The following DNAH11 variants were observed in gnomAD, a reference collection of about 807,000 sequenced individuals.
DNAH11 encodes the protein axonemal beta dynein heavy chain 11.
Under a neutral mutation model 526.0 loss-of-function variants are expected in DNAH11, and 442 were observed. The observed-to-expected ratio is 0.84, with a 90% CI of 0.78 to 0.91. The LOEUF is 0.91. DNAH11 is among the 40% of genes least tolerant of loss of function. The pLI is 0.00. For missense variants in DNAH11, 6,989 were observed against 5,448.7 expected (o/e 1.28, Z -8.90); for synonymous variants, 2,461 against 1,935.9 (o/e 1.27, Z -7.12).
chr7:21,597,344 C>T (rs1040351091), intron 14 of DNAH11, among the ~76,000 whole-genome samples: 1 of 152,140 alleles, frequency 6.6e-6, no homozygotes, highest in Admixed American at 6.5e-5. Flanking sequence ...CCTAGCTCAG[C>T]TATTAACTTC....
chr7:21,852,340 C>A, intron 66 of DNAH11, 127 bp from the exon 67 acceptor site: 1 of 900,024 alleles, frequency 1.1e-6, no homozygotes, highest in Non-Finnish European at 1.6e-6. Flanking sequence ...CCAGGAGGCA[C>A]ACGTCGCAGT....
At chr7:21,597,543 G>C (rs1419646493) in intron 14 of DNAH11, among the ~76,000 whole-genome samples, 2 of 152,170 alleles carry the variant, frequency 1.3e-5, no homozygotes, top group Non-Finnish European at 2.9e-5. Flanking sequence ...AGAAGGCAAA[G>C]GGGAAGCAAG....
chr7:21,625,087 T>A (rs1414122820), intron 25 of DNAH11, among the ~76,000 whole-genome samples: 3 of 152,156 alleles, frequency 2.0e-5, no homozygotes, highest in Non-Finnish European at 4.4e-5. Context: ...TAAGTTTTTT[T>A]GGAAGAGTTT....
Position 21,843,466 on chromosome 7 carries a change from T to A in DNAH11, c.10896+718T>A, listed in dbSNP as rs191786636. On this transcript the variant is annotated intron_variant, in intron 66 of 81. Transcript: ENST00000409508. Reference sequence around the variant, plus strand: ...GATTAAAAACTATAAAGGAATGCTATGCTCAGGTTTTTTTTGTTTTTTTTT... The same window carrying A: ...GATTAAAAACTATAAAGGAATGCTAAGCTCAGGTTTTTTTTGTTTTTTTTT... Among the ~76,000 whole-genome samples, 144 of 149,476 alleles carry A rather than the reference T, an allele frequency of 9.6e-4. 2 individuals carry two copies. The highest frequency in any genetic ancestry group is 3.5e-3 in the African/African-American group (140 of 39,758).
chr7:21,789,797 C>CTT (rs202096990), intron 61 of DNAH11, among the ~76,000 whole-genome samples: 3 of 68,286 alleles, frequency 4.4e-5, no homozygotes, highest in South Asian at 5.2e-4. Context: ...TTCTTTCTTT[C>CTT]TTTCTTTCTT....
At chr7:21,822,397 A>G (rs1396535995) in intron 65 of DNAH11, among the ~76,000 whole-genome samples, 2 of 152,166 alleles carry the variant, frequency 1.3e-5, no homozygotes, top group Non-Finnish European at 2.9e-5. Context: ...GAGGGAGGAC[A>G]CCAAGCCATT....
chr7:21,727,179 C>A (rs1417461825), intron 45 of DNAH11, among the ~76,000 whole-genome samples: 1 of 151,820 alleles, frequency 6.6e-6, no homozygotes, highest in East Asian at 2.0e-4. Context: ...GTGATCCGCC[C>A]ACCTCGGCCT....
intron 79 of DNAH11, 100 bp from the exon 80 acceptor site, chr7:21,899,233 TCTC>T (rs1482437223): frequency 9.0e-5 from 78 of 866,212 alleles, no homozygotes; most frequent in East Asian, 7.3e-5. Context: ...GTGGTATACT[TCTC>T]CTCCACCACC....
intron 44 of DNAH11, among the ~76,000 whole-genome samples, chr7:21,723,249 A>G (rs1469015351): frequency 1.3e-5 from 2 of 152,198 alleles, no homozygotes; most frequent in Admixed American, 6.5e-5. Context: ...CTCTTCAAAA[A>G]CTATAAAACT....
chr7:21,600,902 C>A lies in DNAH11; in HGVS notation c.3227C>A (p.Pro1076Gln). 3 of 1,613,890 alleles carry A rather than the reference C, an allele frequency of 1.9e-6. No individual in the cohort carries two copies. The highest frequency in any genetic ancestry group is 1.1e-5 in the South Asian group (1 of 91,064). The stretch of plus-strand genomic sequence containing the variant: ...GCAAATGAAGAAATTCCCGAACAAC[C>A]ACCAACTCTTGAGCAATTCAAAGAA... The part of the protein sequence containing the change: ...AHANEEIPEQ[P>Q]PTLEQFKEQI... The change falls in exon 16 of 82, where the codon CCA (proline) becomes CAA (glutamine). Residue 1076 changes from proline to glutamine, a missense_variant. Transcript: ENST00000409508.
Position 21,720,756 on chromosome 7 carries a change from C to T in DNAH11, c.7166C>T (p.Thr2389Ile). Residue 2389 changes from threonine to isoleucine, a missense_variant, in exon 44 of 82, where the codon ACT becomes ATT. By Grantham distance (89) the Thr-to-Ile change is moderately conservative. Transcript: ENST00000409508. ...TLCVLLECLL[T>I]PENVPSDSPK... ...TGTGTTCTTTTGGAGTGCTTGCTGA[C>T]TCCTGAAAATGTACCTTCTGACAGC... 1 of 1,590,998 alleles carries T rather than the reference C, an allele frequency of 6.3e-7. No individual in the cohort carries two copies.
At chr7:21,631,799 A>G (rs1300661439) in intron 25 of DNAH11, among the ~76,000 whole-genome samples, 3 of 152,032 alleles carry the variant, frequency 2.0e-5, no homozygotes, top group Admixed American at 2.0e-4. Flanking sequence ...GGTGCACAGT[A>G]CAAGCTGTCG....
intron 32 of DNAH11, among the ~76,000 whole-genome samples, chr7:21,686,691 G>GC (rs1783389467): frequency 6.6e-6 from 1 of 152,054 alleles, no homozygotes; most frequent in African/African-American, 2.4e-5. Context: ...GTTTAATACA[G>GC]CCAATGTTTA....
intron 74 of DNAH11, among the ~76,000 whole-genome samples, chr7:21,879,936 T>C (rs1484547205): frequency 6.6e-6 from 1 of 151,810 alleles, no homozygotes; most frequent in Non-Finnish European, 1.5e-5. Flanking sequence ...AATACAAAAA[T>C]TAGCTGGGTG....
intron 68 of DNAH11, among the ~76,000 whole-genome samples, chr7:21,856,136 G>A (rs1782838824): frequency 6.6e-6 from 1 of 152,136 alleles, no homozygotes; most frequent in African/African-American, 2.4e-5. Flanking sequence ...CTAGAGAGGT[G>A]GGAAAGACTG....
At chr7:21,843,581 A>G (rs1216912027) in intron 66 of DNAH11, among the ~76,000 whole-genome samples, 2 of 151,714 alleles carry the variant, frequency 1.3e-5, no homozygotes, top group East Asian at 1.9e-4. Flanking sequence ...CCTGGGTTCA[A>G]GCGATTCTTC....
chr7:21,561,259 C>T (rs768415518), intron 5 of DNAH11, 89 bp downstream of exon 5: 31 of 950,118 alleles, frequency 3.3e-5, no homozygotes, highest in Admixed American at 1.5e-4. Flanking sequence ...TTTACCCTTC[C>T]GCCATGTTTG....
intron 54 of DNAH11, among the ~76,000 whole-genome samples, chr7:21,761,170 A>G (rs1454476266): frequency 6.6e-6 from 1 of 152,200 alleles, no homozygotes; most frequent in Admixed American, 6.5e-5. Context: ...AAAATCTCAC[A>G]TGACACCACT....
intron 28 of DNAH11, among the ~76,000 whole-genome samples, chr7:21,642,800 C>T (rs1787186163): frequency 6.6e-6 from 1 of 151,984 alleles, no homozygotes; most frequent in Non-Finnish European, 1.5e-5. Context: ...ATAGACCAGC[C>T]AGGGAGGTCT....
Sources: allele counts gnomAD v4.1 joint callset (sites outside exome capture counted in the v4.1 genomes callset), GRCh38; gene constraint gnomAD v4.1.1; transcripts MANE v1.5; gene names NCBI Gene and HGNC (gene_info 2026-07-23, HGNC 2026-07-21).